Variants in TNRC6B observed in about 807,000 individuals in gnomAD.
The protein encoded by TNRC6B is trinucleotide repeat containing adaptor 6B.
Under a neutral mutation model 203.6 loss-of-function variants are expected in TNRC6B, and 52 were observed. The observed-to-expected ratio is 0.26, with a 90% confidence interval of 0.20 to 0.32. The LOEUF (loss-of-function observed/expected upper bound fraction) is 0.32. Ranked by LOEUF, TNRC6B falls within the 10% of genes least tolerant of loss-of-function variation. TNRC6B has a pLI of 1.00. For synonymous variants in TNRC6B, 838 were observed against 845.7 expected, an observed-to-expected ratio of 0.99 and a Z score of 0.16; for missense variants, 1,923 against 2,286.2, an observed-to-expected ratio of 0.84 and a Z score of 3.24.
At chr22:40,258,134 G>C (rs1336669048) in intron 3 of TNRC6B, among the ~76,000 whole-genome samples, 2 of 98,538 alleles carry the variant, frequency 2.0e-5, no homozygotes, top group African/African-American at 3.5e-5. Context: ...CTATAGTACT[G>C]AGATCATGTT....
chr22:40,256,483 A>G (rs2070279837), intron 3 of TNRC6B, among the ~76,000 whole-genome samples: 1 of 152,200 alleles, frequency 6.6e-6, no homozygotes, highest in Non-Finnish European at 1.5e-5. Context: ...CCCATGAGCT[A>G]AGAATATTTT....
intron 1 of TNRC6B, among the ~76,000 whole-genome samples, chr22:40,187,978 G>A (rs1189450297): frequency 6.6e-6 from 1 of 152,162 alleles, no homozygotes; most frequent in Non-Finnish European, 1.5e-5. Flanking sequence ...CCAGCACTTT[G>A]GGAGGCTGAG....
rs199530692 is a variant in TNRC6B at position 40,192,616 on chromosome 22, C to CA, written c.5+14487dup. Among the ~76,000 whole-genome samples the CA allele has an allele frequency of 7.9e-3, 1,137 of 144,654 alleles. 11 individuals carry two copies. Among genetic ancestry groups the CA allele is most frequent in the African/African-American group, 0.026 (1,023 of 39,460 alleles). 94.9% of individuals were successfully genotyped at this position (144,654 alleles called of 152,430 possible). Reference sequence around the variant, plus strand: ...TAGGCAACTGAGCGAGACTCTGCCTCAAAAAAAAAAAGTAAAGACCAGATT... The same window carrying CA: ...TAGGCAACTGAGCGAGACTCTGCCTCAAAAAAAAAAAAGTAAAGACCAGATT... On this transcript the variant is annotated intron_variant, in intron 1 of 22. Coordinates refer to ENST00000454349, the MANE Select transcript of TNRC6B (RefSeq NM_001162501.2).
chr22:40,115,173 T>A (rs2146316153), intron 1 of TNRC6B, among the ~76,000 whole-genome samples: 1 of 152,318 alleles, frequency 6.6e-6, no homozygotes, highest in African/African-American at 2.4e-5. Flanking sequence ...ATGGTCTCTT[T>A]CTAGCCTTGT....
intron 3 of TNRC6B, among the ~76,000 whole-genome samples, chr22:40,259,612 C>G (rs1055032941): frequency 1.8e-4 from 28 of 152,182 alleles, no homozygotes; most frequent in African/African-American, 6.5e-4. Flanking sequence ...TACTGGGAGG[C>G]CTGGTGCTGC....
At chr22:40,052,984 T>C (rs1198743959) in intron 1 of TNRC6B, among the ~76,000 whole-genome samples, 1 of 152,180 alleles carries the variant, frequency 6.6e-6, no homozygotes, top group Non-Finnish European at 1.5e-5. Context: ...AGATCATGAA[T>C]TACGAAGGTG....
rs2043992339 is a variant in TNRC6B at position 40,332,455 on chromosome 22, A to C, written c.*9214A>C. ...GCCTGTGATGAATCATAGCGCCTGC[A>C]TTGCTCTGGTCTAGGCATTATTTGC... On this transcript the variant is annotated 3_prime_UTR_variant, in exon 23 of 23. Transcript: ENST00000454349. 1 of 152,638 alleles carries C rather than the reference A, an allele frequency of 6.6e-6. No homozygotes were observed. Among genetic ancestry groups the C allele is most frequent in the African/African-American group, 2.4e-5 (1 of 41,430 alleles). 9.5% of individuals were successfully genotyped at this position (152,638 alleles called of 1,614,324 possible).
intron 12 of TNRC6B, among the ~76,000 whole-genome samples, chr22:40,289,532 T>A (rs2070840204): frequency 6.6e-6 from 1 of 152,042 alleles, no homozygotes; most frequent in Non-Finnish European, 1.5e-5. Flanking sequence ...TTTGACAGAG[T>A]TCCCCTCCTT....
rs1013111491 is a variant in TNRC6B, at chr22:40,280,058, A to C, written c.3326A>C (p.Asp1109Ala). 10 of 1,613,886 alleles carry C rather than the reference A, an allele frequency of 6.2e-6. No individual in the cohort carries two copies. Among genetic ancestry groups the C allele is most frequent in the Non-Finnish European group, 8.5e-6 (10 of 1,179,812 alleles). Residue 1109 changes from aspartate to alanine, a missense_variant, in exon 10 of 23, where the codon GAT becomes GCT. By Grantham distance (126) the Asp-to-Ala change is moderately radical (BLOSUM62 -2). Coordinates refer to ENST00000454349, the MANE Select transcript of TNRC6B (RefSeq NM_001162501.2). ...GCGATGAATCTCGGGGATTTTAATG[A>C]TATCATGAGGAAGGATCGATCTGGG... ...KRAMNLGDFN[D>A]IMRKDRSGFR...
intron 1 of TNRC6B, among the ~76,000 whole-genome samples, chr22:40,232,550 T>G (rs2069887150): frequency 6.6e-6 from 1 of 152,150 alleles, no homozygotes; most frequent in African/African-American, 2.4e-5. Context: ...GGAAGCCACA[T>G]CTCTCCTTGT....
chr22:40,193,085 AG>A (rs1387316946), intron 1 of TNRC6B, among the ~76,000 whole-genome samples: 1 of 152,124 alleles, frequency 6.6e-6, no homozygotes, highest in Non-Finnish European at 1.5e-5. Flanking sequence ...GCCCTGAATG[AG>A]GGCAGTTAGA....
At chr22:40,281,372 G>T in intron 11 of TNRC6B, 83 bp downstream of exon 11, 1 of 1,225,660 alleles carries the variant, frequency 8.2e-7, no homozygotes, top group Middle Eastern at 2.1e-4. Flanking sequence ...TCATTTGTCT[G>T]TCTTGGGAAA....
At chr22:40,229,113 T>C (rs557107702) in intron 1 of TNRC6B, among the ~76,000 whole-genome samples, 1 of 152,322 alleles carries the variant, frequency 6.6e-6, no homozygotes, top group Non-Finnish European at 1.5e-5. Context: ...GTATTACTGA[T>C]CGAAGGAAAG....
At chr22:40,205,161 C>A (rs1906682210) in intron 1 of TNRC6B, among the ~76,000 whole-genome samples, 1 of 152,220 alleles carries the variant, frequency 6.6e-6, no homozygotes, top group African/African-American at 2.4e-5. Context: ...TGAGTTCCCA[C>A]CTCATAGTGA....
At chr22:40,120,048 A>G (rs1232520242) in intron 2 of TNRC6B, among the ~76,000 whole-genome samples, 1 of 152,192 alleles carries the variant, frequency 6.6e-6, no homozygotes. Context: ...TTAATCAGGA[A>G]AGATTTTTAG....
At chr22:40,145,998 A>C (rs141471562) in intron 3 of TNRC6B, among the ~76,000 whole-genome samples, 2 of 152,320 alleles carry the variant, frequency 1.3e-5, no homozygotes, top group East Asian at 1.9e-4. Context: ...GGATCACTCA[A>C]ATTTAATAGT....
At position 40,071,324 on chromosome 22, in the gene TNRC6B, G is replaced by A. The variant is rs377499744; in HGVS notation, c.-121+26326G>A. On this transcript the variant is annotated intron_variant, in intron 1 of 23. Transcript: ENST00000301923. ...TTCCCCTCTTCTCCTCTCTCCTTTC[G>A]GAGGTACCTCGTGTTAATAAATGCT... Among the ~76,000 whole-genome samples the A allele has an allele frequency of 1.2e-4, 19 of 152,024 alleles. 2 individuals are homozygous for A. Among genetic ancestry groups the A allele is most frequent in the Admixed American group, 9.8e-4 (15 of 15,258 alleles).
chr22:40,301,114 C>A, intron 14 of TNRC6B, 36 bp from the exon 15 acceptor site: 1 of 1,553,302 alleles, frequency 6.4e-7, no homozygotes, highest in Non-Finnish European at 8.7e-7. Flanking sequence ...AGTTCGGGGC[C>A]GTGCTTATCA....
intron 3 of TNRC6B, among the ~76,000 whole-genome samples, chr22:40,132,804 C>T (rs1309315800): frequency 7.3e-6 from 1 of 136,678 alleles, no homozygotes; most frequent in Non-Finnish European, 1.6e-5. Context: ...ATTAGCCGAG[C>T]ATGGTGGCAG....
Sources: gnomAD v4.1 joint callset for allele counts (sites outside exome capture counted in the v4.1 genomes callset) on GRCh38, gnomAD v4.1.1 for gene constraint, MANE v1.5 for transcripts, NCBI Gene and HGNC (gene_info 2026-07-23, HGNC 2026-07-21) for gene names.